The following FMN1 variants were observed in gnomAD, a reference collection of about 807,000 sequenced individuals.
FMN1 encodes formin-1.
FMN1 carries 110 observed loss-of-function variants against 132.4 expected under a neutral mutation model. The observed-to-expected ratio is 0.83, with a 90% CI of 0.71 to 0.97. The LOEUF (loss-of-function observed/expected upper bound fraction) is 0.97. FMN1 is among the 50% of genes least tolerant of loss of function. FMN1 has a pLI of 0.00. For synonymous variants in FMN1, 722 were observed against 651.7 expected (o/e 1.11, Z -1.64); for missense variants, 1,792 against 1,705.3 (o/e 1.05, Z -0.90).
At chr15:33,094,119 CGTGGGTACAGGGCTTTAACAT>C (rs2038995631) in intron 4 of FMN1, among the ~76,000 whole-genome samples, 1 of 152,276 alleles carries the variant, frequency 6.6e-6, no homozygotes, top group South Asian at 2.1e-4. Context: ...AAGTTAAGAG[CGTGGGTACAGGGCTTTAACAT>C]GTGGGCTAAA....
At chr15:32,943,216 G>A (rs1005587862) in intron 9 of FMN1, among the ~76,000 whole-genome samples, 1 of 152,112 alleles carries the variant, frequency 6.6e-6, no homozygotes, top group East Asian at 1.9e-4. Flanking sequence ...TAGGGTACAC[G>A]GTCAGCTATA....
chr15:33,010,229 G>T (rs553660650), intron 6 of FMN1, among the ~76,000 whole-genome samples: 1 of 152,180 alleles, frequency 6.6e-6, no homozygotes, highest in Non-Finnish European at 1.5e-5. Flanking sequence ...CTGTTCAATA[G>T]CATTTATATG....
chr15:33,123,665 A>G (rs1384786263), intron 4 of FMN1, among the ~76,000 whole-genome samples: 1 of 152,204 alleles, frequency 6.6e-6, no homozygotes, highest in Non-Finnish European at 1.5e-5. Flanking sequence ...ATGTTTTAAC[A>G]CAGATTAAGT....
At chr15:32,958,376 C>G (rs749173608) in intron 9 of FMN1, among the ~76,000 whole-genome samples, 1 of 152,140 alleles carries the variant, frequency 6.6e-6, no homozygotes, top group East Asian at 1.9e-4. Flanking sequence ...AAGTGTTCAT[C>G]ATCATCAATG....
Position 32,986,207 on chromosome 15 carries a change from A to G in FMN1, c.2224-16730T>C, listed in dbSNP as rs578186265. ...AAGAGGCAGAAGTTTCTGGAGCTGC[A>G]CTTGTTTCATGTGGAATACTTGCAA... On this transcript the variant is annotated intron_variant, in intron 7 of 20. Coordinates refer to ENST00000616417, the MANE Select transcript of FMN1 (RefSeq NM_001277313.2). Among the ~76,000 whole-genome samples the G allele has an allele frequency of 2.0e-5, 3 of 152,280 alleles. No individual in the cohort carries two copies. The East Asian group carries it at 5.8e-4, about 29-fold the overall frequency.
intron 12 of FMN1, among the ~76,000 whole-genome samples, chr15:32,906,738 T>C (rs112635384): frequency 1.9e-3 from 285 of 152,342 alleles, no homozygotes; most frequent in African/African-American, 6.0e-3. Context: ...ATAGGAAATA[T>C]GACTTGGAAA....
At chr15:33,136,047 G>A (rs1272982872) in intron 4 of FMN1, among the ~76,000 whole-genome samples, 2 of 152,218 alleles carry the variant, frequency 1.3e-5, no homozygotes, top group Admixed American at 6.5e-5. Context: ...TGTTTTGAAT[G>A]CTTTTGTAGA....
intron 4 of FMN1, among the ~76,000 whole-genome samples, chr15:33,145,348 T>C (rs752213875): frequency 6.6e-6 from 1 of 151,788 alleles, no homozygotes; most frequent in Non-Finnish European, 1.5e-5. Flanking sequence ...TAAAATCTAG[T>C]TCATTATGCC....
At chr15:32,828,844 A>G (rs2058434997) in intron 17 of FMN1, among the ~76,000 whole-genome samples, 1 of 152,238 alleles carries the variant, frequency 6.6e-6, no homozygotes. Flanking sequence ...ACACGTTAGT[A>G]GTTTCAACGT....
intron 6 of FMN1, among the ~76,000 whole-genome samples, chr15:33,043,307 C>G (rs371396114): frequency 6.6e-6 from 1 of 152,124 alleles, no homozygotes; most frequent in African/African-American, 2.4e-5. Context: ...AGGTGTAAAC[C>G]GACTGTAGCC....
chr15:33,111,815 G>T (rs977262876), intron 4 of FMN1, among the ~76,000 whole-genome samples: 6 of 152,124 alleles, frequency 3.9e-5, no homozygotes, highest in African/African-American at 1.4e-4. Context: ...AGTGACTTCT[G>T]ATGGTATGGG....
intron 16 of FMN1, among the ~76,000 whole-genome samples, chr15:32,880,729 T>TC (rs894481088): frequency 2.0e-5 from 3 of 152,218 alleles, no homozygotes; most frequent in South Asian, 2.1e-4. Context: ...GAATAATTTT[T>TC]CTTCAGAATC....
chr15:32,811,990 G>A (rs1456930541), intron 17 of FMN1, among the ~76,000 whole-genome samples: 1 of 150,402 alleles, frequency 6.6e-6, no homozygotes, highest in East Asian at 2.0e-4. Context: ...TGCCCCTTAA[G>A]TGAATTGGAG....
chr15:33,185,827 C>T (rs1965866404), intron 2 of FMN1, among the ~76,000 whole-genome samples: 1 of 152,084 alleles, frequency 6.6e-6, no homozygotes. Context: ...TCACCTCGGC[C>T]TCCCAAAGAG....
intron 6 of FMN1, among the ~76,000 whole-genome samples, chr15:33,031,381 C>T (rs2035930236): frequency 6.6e-6 from 1 of 152,126 alleles, no homozygotes; most frequent in Admixed American, 6.5e-5. Context: ...ACTTGCAATC[C>T]ACAGGGCAGA....
At chr15:32,976,594 C>A (rs1337425927) in intron 7 of FMN1, among the ~76,000 whole-genome samples, 1 of 152,048 alleles carries the variant, frequency 6.6e-6, no homozygotes, top group Admixed American at 6.5e-5. Context: ...TTGTCCTTAT[C>A]AGAAATGTAA....
intron 17 of FMN1, among the ~76,000 whole-genome samples, chr15:32,821,435 ATAAATATT>A: frequency 6.8e-6 from 1 of 147,112 alleles, no homozygotes; most frequent in South Asian, 2.2e-4. Flanking sequence ...TTTTTGACTA[ATAAATATT>A]TAAATCTTTT....
chr15:32,961,519 G>T (rs1324933754), intron 9 of FMN1, among the ~76,000 whole-genome samples: 1 of 152,052 alleles, frequency 6.6e-6, no homozygotes, highest in South Asian at 2.1e-4. Context: ...GCAACACAGA[G>T]TACTATACTT....
At chr15:33,166,237 G>T (rs1196559332) in intron 3 of FMN1, among the ~76,000 whole-genome samples, 1 of 151,994 alleles carries the variant, frequency 6.6e-6, no homozygotes, top group African/African-American at 2.4e-5. Flanking sequence ...GTGAGCAATG[G>T]AACTGGACTC....
Sources: allele counts gnomAD v4.1 joint callset (sites outside exome capture counted in the v4.1 genomes callset), GRCh38; gene constraint gnomAD v4.1.1; transcripts MANE v1.5; gene names NCBI Gene and HGNC (gene_info 2026-07-23, HGNC 2026-07-21).